Variants in ARID3A observed in about 807,000 individuals in gnomAD.
ARID3A encodes AT-rich interactive domain-containing protein 3A.
In ARID3A, 11 loss-of-function variants were observed where a neutral mutation model predicts 52.7. The observed-to-expected ratio is 0.21, with a 90% CI of 0.13 to 0.35. The LOEUF is 0.35. Ranked by LOEUF, ARID3A falls within the 10% of genes least tolerant of loss-of-function variation. The pLI, the probability that ARID3A is intolerant of heterozygous loss-of-function variation, is 1.00. For synonymous variants in ARID3A, 404 were observed against 359.4 expected (o/e 1.12, Z -1.40); for missense variants, 721 against 838.5 (o/e 0.86, Z 1.73).
chr19:929,854 C>G lies in ARID3A; in HGVS notation c.326C>G (p.Pro109Arg), dbSNP rs1394905517. The G allele has an allele frequency of 3.9e-6, 6 of 1,544,528 alleles. No homozygotes were observed. The highest frequency in any genetic ancestry group is 5.2e-6 in the Non-Finnish European group (6 of 1,147,012). ...PGSPGRGREGPGEEHFEDMAS... is the reference protein window; with the variant it reads ...PGSPGRGREGRGEEHFEDMAS... ...TCACCCGGGCGAGGCAGAGAAGGGC[C>G]AGGAGAGGAGCACTTTGAGGACATG... is the stretch of plus-strand genomic sequence containing the variant. Residue 109 changes from proline (P) to arginine (R), a missense_variant, in exon 2 of 9, where the codon CCA becomes CGA. This residue lies in a region of ARID3A where 349 missense variants were observed against 297.3 expected (regional missense o/e 1.17). Transcript: ENST00000263620. This position sits in a 1 kb window ranked among gnomAD's most constrained non-coding sequence, Gnocchi z 6.2.
At chr19:952,979 C>T (rs942073765) in intron 3 of ARID3A, among the ~76,000 whole-genome samples, 2 of 152,180 alleles carry the variant, frequency 1.3e-5, no homozygotes, top group Non-Finnish European at 2.9e-5. Context: ...GGGGAGGGGC[C>T]GCATGTGCTG....
rs527350422 is a variant in ARID3A, at chr19:942,218, C to T, written c.693+9476C>T. Among the ~76,000 whole-genome samples the T allele has an allele frequency of 7.2e-5, 11 of 152,294 alleles. No individual in the cohort carries two copies. Among genetic ancestry groups the T allele is most frequent in the Non-Finnish European group, 1.3e-4 (9 of 68,010 alleles). ...GGAGCTGCCGGCAGAGCCCTGTCCA[C>T]TCTTGCCTCAGTTTCCCTGCTGGAC... is the stretch of plus-strand genomic sequence containing the variant. On this transcript the variant is annotated intron_variant, in intron 3 of 8. Transcript: ENST00000263620. This position sits in a 1 kb window ranked among gnomAD's most constrained non-coding sequence, Gnocchi z 8.1.
chr19:958,108 T>C (rs2037959895), intron 3 of ARID3A: 1 of 141,418 alleles, frequency 7.1e-6, no homozygotes, highest in African/African-American at 2.7e-5. Context: ...CGAGACTCCA[T>C]CTAAAAATAA....
Position 966,685 on chromosome 19 carries a change from G to T in ARID3A, c.1312G>T (p.Ala438Ser). Residue 438 changes from alanine (A) to serine (S), a missense_variant, in exon 7 of 9, where the codon GCT (alanine) becomes TCT (serine). This residue lies in a region of ARID3A where 297 missense variants were observed against 343.2 expected (regional missense o/e 0.87). Coordinates refer to ENST00000263620, the MANE Select transcript of ARID3A (RefSeq NM_005224.3). ...AAVQAAAAQA[A>S]VAAQAAALEQ... ...TGTGCAAGCAGCAGCCGCCCAAGCAGCTGTGGCCGCACAGGCAGCTGCCCT... is the reference window on the plus strand; with the variant it reads ...TGTGCAAGCAGCAGCCGCCCAAGCATCTGTGGCCGCACAGGCAGCTGCCCT... The T allele has an allele frequency of 6.2e-7, 1 of 1,611,420 alleles. No individual in the cohort carries two copies. Among genetic ancestry groups the T allele is most frequent in the African/African-American group, 1.3e-5 (1 of 75,032 alleles).
intron 3 of ARID3A, among the ~76,000 whole-genome samples, chr19:933,846 T>TGTGG (rs1555726111): frequency 2.3e-4 from 10 of 43,258 alleles, no homozygotes; most frequent in African/African-American, 9.4e-4. Flanking sequence ...GGGGACTCGG[T>TGTGG]GGGGGGGGGG....
chr19:947,433 C>A lies in ARID3A; in HGVS notation c.694-12659C>A, dbSNP rs1284130208. On this transcript the variant is annotated intron_variant, in intron 3 of 8. Coordinates refer to ENST00000263620, the MANE Select transcript of ARID3A (RefSeq NM_005224.3). This position sits in a 1 kb window ranked among gnomAD's most constrained non-coding sequence, Gnocchi z 6.3. ...TCAGCACCAGGCCTGTCGCTGCCGT[C>A]CTGGACTCGTGGGCCTCAGTTTCCC... Among the ~76,000 whole-genome samples, 1 of 152,198 alleles carries A rather than the reference C, an allele frequency of 6.6e-6. No homozygotes were observed. The highest frequency in any genetic ancestry group is 2.1e-4 in the South Asian group (1 of 4,832).
Position 973,104 on chromosome 19 carries a change from A to ATTTTTT in ARID3A, c.*1055_*1060dup, listed in dbSNP as rs56404084. The ATTTTTT allele has an allele frequency of 2.5e-3, 136 of 53,662 alleles. 20 individuals carry two copies. Among genetic ancestry groups the ATTTTTT allele is most frequent in the Middle Eastern group, 0.023 (1 of 44 alleles). The allele number at this position is 53,662 out of a possible 1,614,324, so 3.3% of individuals were successfully genotyped here. On this transcript the variant is annotated 3_prime_UTR_variant, in exon 9 of 9. Coordinates refer to ENST00000263620, the MANE Select transcript of ARID3A (RefSeq NM_005224.3). ...GGGCTCTCGAGTCAGGGGCCTGGAA[A>ATTTTTT]TTTTTTTTTTTTTTTTTTTTTGAGA...
In ARID3A at chr19:927,318, G is replaced by A. The variant is rs148524917; in HGVS notation, c.-268+1259G>A. Among the ~76,000 whole-genome samples the A allele has an allele frequency of 4.0e-3, 610 of 150,820 alleles. 9 individuals are homozygous for A. Among genetic ancestry groups the A allele is most frequent in the African/African-American group, 0.014 (590 of 40,998 alleles). ...GGTCGAGGACAAAGGGCTCTTGGGG[G>A]GAGGGGTCTGAAGGGGGTGGGCGTA... On this transcript the variant is annotated intron_variant, in intron 1 of 8. Coordinates refer to ENST00000263620, the MANE Select transcript of ARID3A (RefSeq NM_005224.3).
chr19:970,635 C>T (rs139070373), intron 8 of ARID3A, among the ~76,000 whole-genome samples: 70 of 151,394 alleles, frequency 4.6e-4, no homozygotes, highest in African/African-American at 1.4e-3. Context: ...CCACCAGGCC[C>T]GGCTAATTTT....
intron 7 of ARID3A, 106 bp downstream of exon 7, chr19:966,974 AAAG>A (rs1474856441): frequency 5.9e-6 from 8 of 1,353,530 alleles, no homozygotes; most frequent in Non-Finnish European, 6.8e-6. Flanking sequence ...TAAGAAAAAA[AAAG>A]CCGGGTGCAG....
intron 1 of ARID3A, among the ~76,000 whole-genome samples, chr19:927,052 C>A (rs1372266295): frequency 6.6e-6 from 1 of 152,162 alleles, no homozygotes; most frequent in Non-Finnish European, 1.5e-5. Flanking sequence ...GCCCCTCCCC[C>A]TCCTCTTCCC....
At position 972,250 on chromosome 19, in the gene ARID3A, C is replaced by T. The variant is rs894431359; in HGVS notation, c.*185C>T. ...ATATATATATATATATATATATACACGTATATATATAAAGAGAATTTAATA... is the reference window on the plus strand; with the variant it reads ...ATATATATATATATATATATATACATGTATATATATAAAGAGAATTTAATA... On this transcript the variant is annotated 3_prime_UTR_variant, in exon 9 of 9. Transcript: ENST00000263620. The T allele has an allele frequency of 1.9e-4, 35 of 186,450 alleles. No individual in the cohort carries two copies. The South Asian group carries it at 4.1e-3, about 22-fold the overall frequency. 11.5% of individuals were successfully genotyped at this position (186,450 alleles called of 1,614,324 possible).
Position 964,511 on chromosome 19 carries a change from GGGT to G in ARID3A, c.950+86_950+88del. 2.0e-6 allele frequency: 3 copies of G among 1,474,236 alleles called. No individual in the cohort carries two copies. Among genetic ancestry groups the G allele is most frequent in the Non-Finnish European group, 2.7e-6 (3 of 1,103,400 alleles). The allele number at this position is 1,474,236 out of a possible 1,614,324, so 91.3% of individuals were successfully genotyped here. On this transcript the variant is annotated intron_variant, in intron 5 of 8. Coordinates refer to ENST00000263620, the MANE Select transcript of ARID3A (RefSeq NM_005224.3). The surrounding 1 kb of genome is among the most constrained non-coding windows in gnomAD (Gnocchi z 5.7). ...GCAAGGGGCCTGCAGAAGAGGGAGG[GGGT>G]GGTGGGCAGCTGCAGAGGAGGGGGC...
chr19:958,903 T>A (rs1018501206), intron 3 of ARID3A, among the ~76,000 whole-genome samples: 1 of 151,632 alleles, frequency 6.6e-6, no homozygotes, highest in Non-Finnish European at 1.5e-5. Context: ...AAAAAAAAAA[T>A]TCCATATTTC....
Position 974,574 on chromosome 19 carries a change from C to A in ARID3A, c.*2509C>A. ...GCCAAAATCTGAGCCCCTGGGGTGC[C>A]TCTCCCCCGCCTCCCGTGCACCAGG... On this transcript the variant is annotated 3_prime_UTR_variant, in exon 9 of 9. Coordinates refer to ENST00000263620, the MANE Select transcript of ARID3A (RefSeq NM_005224.3). 1 of 230,250 alleles carries A rather than the reference C, an allele frequency of 4.3e-6. No individual in the cohort carries two copies. The allele number at this position is 230,250 out of a possible 1,614,324, so 14.3% of individuals were successfully genotyped here. A position where few individuals can be genotyped will look rare whatever the true frequency, so the allele number is the denominator to read the frequency against.
intron 3 of ARID3A, among the ~76,000 whole-genome samples, chr19:948,030 T>C (rs566061963): frequency 6.6e-6 from 1 of 152,202 alleles, no homozygotes; most frequent in Non-Finnish European, 1.5e-5. Flanking sequence ...GGGAAGGGCC[T>C]GAGGTCACAC....
rs962197620 is a variant in ARID3A at position 942,459 on chromosome 19, CG to C, written c.693+9720del. 1.3e-5 allele frequency among the ~76,000 whole-genome samples: 2 copies of C among 152,146 alleles called. No homozygotes were observed. The highest frequency in any genetic ancestry group is 4.8e-5 in the African/African-American group (2 of 41,444). Reference sequence around the variant, plus strand: ...GACCTGGTGGGTGGCACACGGGGGGCGGGTGCGGACCGCCTCTTCTCCGCTC... The same window carrying C: ...GACCTGGTGGGTGGCACACGGGGGGCGGTGCGGACCGCCTCTTCTCCGCTC... On this transcript the variant is annotated intron_variant, in intron 3 of 8. Transcript: ENST00000263620. The surrounding 1 kb of genome is among the most constrained non-coding windows in gnomAD (Gnocchi z 8.1).
At chr19:932,868 C>T (rs1291573128) in intron 3 of ARID3A, 126 bp downstream of exon 3, 34 of 1,476,838 alleles carry the variant, frequency 2.3e-5, no homozygotes, top group Admixed American at 1.0e-4. Context: ...GGGGTTCCTG[C>T]GGTAGCTGTG....
intron 3 of ARID3A, among the ~76,000 whole-genome samples, chr19:956,923 G>A (rs929762612): frequency 1.6e-4 from 25 of 152,216 alleles, no homozygotes; most frequent in Non-Finnish European, 2.6e-4. Flanking sequence ...CCTAATGACC[G>A]ATCATCCCAG....
Sources: gnomAD v4.1 joint callset for allele counts (sites outside exome capture counted in the v4.1 genomes callset) on GRCh38, gnomAD v4.1.1 for gene constraint, gnomAD v4.1.1 regional missense constraint, Gnocchi (gnomAD v3.1) non-coding constraint, MANE v1.5 for transcripts, NCBI Gene and HGNC (gene_info 2026-07-23, HGNC 2026-07-21) for gene names.